The following PKP4 variants were observed in gnomAD, a reference collection of about 807,000 sequenced individuals.
PKP4 encodes plakophilin 4.
PKP4 carries 90 observed loss-of-function variants against 145.1 expected under a neutral mutation model. That is an observed-to-expected ratio of 0.62 (90% CI 0.52 to 0.74). The LOEUF (loss-of-function observed/expected upper bound fraction) is 0.74. Among genes scored for constraint, PKP4 ranks in the 30% least tolerant of loss-of-function variants. PKP4 has a pLI of 0.00. For missense variants in PKP4, 1,340 were observed against 1,482.7 expected, an observed-to-expected ratio of 0.90 and a Z score of 1.58; for synonymous variants, 563 against 577.2, an observed-to-expected ratio of 0.98 and a Z score of 0.35.
At chr2:158,583,195 C>A (rs2048476365) in intron 3 of PKP4, among the ~76,000 whole-genome samples, 1 of 152,084 alleles carries the variant, frequency 6.6e-6, no homozygotes, top group African/African-American at 2.4e-5. Context: ...TTATTCCCTG[C>A]AATATCATTG....
In PKP4 at chr2:158,484,197, G is replaced by A. The variant is rs375339396; in HGVS notation, c.-6+26979G>A. 1.5e-3 allele frequency among the ~76,000 whole-genome samples: 225 copies of A among 152,008 alleles called. 1 individual carries two copies. The highest frequency in any genetic ancestry group is 5.0e-3 in the African/African-American group (207 of 41,496). ...CGAGTAGCTGGGACTACAGGCGCCC[G>A]CCACCGCGCCCGGCTAATTTTTTGT... On this transcript the variant is annotated intron_variant, in intron 1 of 21. Coordinates refer to ENST00000389759, the MANE Select transcript of PKP4 (RefSeq NM_003628.6).
intron 7 of PKP4, among the ~76,000 whole-genome samples, chr2:158,631,235 C>T (rs557755807): frequency 1.3e-5 from 2 of 151,916 alleles, no homozygotes; most frequent in African/African-American, 2.4e-5. Flanking sequence ...CCACCGCGCC[C>T]GGCAGAGAAA....
chr2:158,669,708 T>C lies in PKP4; in HGVS notation c.2729-12T>C, dbSNP rs2057399246. ...CTTCTGGAAGTAGAATTTACTCTTT[T>C]GCCGTTGGCAGGCAAATACGCCATG... On this transcript the variant is annotated splice_polypyrimidine_tract_variant and intron_variant, in intron 16 of 21. Coordinates refer to ENST00000389759, the MANE Select transcript of PKP4 (RefSeq NM_003628.6). 2 of 1,523,184 alleles carry C rather than the reference T, an allele frequency of 1.3e-6. No homozygotes were observed. Among genetic ancestry groups the C allele is most frequent in the African/African-American group, 2.8e-5 (2 of 72,466 alleles). The allele number at this position is 1,523,184 out of a possible 1,614,324, so 94.4% of individuals were successfully genotyped here.
At chr2:158,660,743 A>G (rs934650537) in intron 12 of PKP4, 16 of 152,224 alleles carry the variant, frequency 1.1e-4, no homozygotes, top group African/African-American at 3.6e-4. Context: ...GCAAATATCT[A>G]TATTTAACTT....
chr2:158,673,197 G>T (rs762293446), intron 17 of PKP4, among the ~76,000 whole-genome samples: 1 of 152,140 alleles, frequency 6.6e-6, no homozygotes, highest in African/African-American at 2.4e-5. Flanking sequence ...ACATTAGAAC[G>T]CACATTAGTC....
intron 9 of PKP4, among the ~76,000 whole-genome samples, chr2:158,638,703 TG>T (rs2054017819): frequency 6.6e-6 from 1 of 152,204 alleles, no homozygotes; most frequent in South Asian, 2.1e-4. Flanking sequence ...TAGACTCTTC[TG>T]GGCAAAATGG....
chr2:158,586,771 G>A (rs976078198), intron 3 of PKP4, among the ~76,000 whole-genome samples: 6 of 152,158 alleles, frequency 3.9e-5, no homozygotes, highest in African/African-American at 1.4e-4. Flanking sequence ...CTTCCAGAAG[G>A]CATTTTTAAT....
chr2:158,634,244 G>A lies in PKP4; in HGVS notation c.1517G>A (p.Gly506Asp). The A allele has an allele frequency of 6.2e-7, 1 of 1,614,036 alleles. No individual in the cohort carries two copies. The highest frequency in any genetic ancestry group is 8.5e-7 in the Non-Finnish European group (1 of 1,180,002). The change falls in exon 9 of 22, where the codon GGC becomes GAC. Residue 506 changes from glycine (G) to aspartate (D), a missense_variant. By Grantham distance (94) the Gly-to-Asp change is moderately conservative. Transcript: ENST00000389759. ...CAGCATGCAGTGCCGGCTGATGATG[G>A]CACCACAAGATCCCCATCAATAGAC... ...RLQHAVPADD[G>D]TTRSPSIDSI...
intron 4 of PKP4, among the ~76,000 whole-genome samples, chr2:158,614,432 T>C (rs1378022547): frequency 1.3e-5 from 2 of 152,202 alleles, no homozygotes; most frequent in Admixed American, 6.5e-5. Context: ...AGAAACCAAC[T>C]ATGAAATGGA....
chr2:158,605,951 TATC>T (rs1377816288), intron 4 of PKP4, among the ~76,000 whole-genome samples: 1 of 152,236 alleles, frequency 6.6e-6, no homozygotes, highest in African/African-American at 2.4e-5. Flanking sequence ...GGTTCATCCT[TATC>T]ATAGCATGTA....
intron 1 of PKP4, among the ~76,000 whole-genome samples, chr2:158,530,607 C>A (rs1212083039): frequency 1.5e-5 from 2 of 137,474 alleles, no homozygotes; most frequent in African/African-American, 2.7e-5. Flanking sequence ...AATGGTCTTA[C>A]AATTATGAAA....
chr2:158,620,766 C>T (rs2052148679), intron 4 of PKP4, among the ~76,000 whole-genome samples: 1 of 152,054 alleles, frequency 6.6e-6, no homozygotes, highest in African/African-American at 2.4e-5. Flanking sequence ...GACTTACAAT[C>T]ACAACAAACA....
chr2:158,523,728 C>T (rs1326380713), intron 1 of PKP4, among the ~76,000 whole-genome samples: 1 of 124,970 alleles, frequency 8.0e-6, no homozygotes, highest in Admixed American at 8.6e-5. Flanking sequence ...AAGTTAAAAA[C>T]TTTGAAAAAA....
intron 20 of PKP4, among the ~76,000 whole-genome samples, chr2:158,678,207 C>G (rs907600604): frequency 6.6e-6 from 1 of 152,176 alleles, no homozygotes; most frequent in Non-Finnish European, 1.5e-5. Context: ...AGCTCAGAGC[C>G]CTGGAAAAGG....
rs545497175 is a variant in PKP4 at position 158,538,098 on chromosome 2, T to C, written c.132+4782T>C. 2.6e-5 allele frequency among the ~76,000 whole-genome samples: 4 copies of C among 152,280 alleles called. No individual in the cohort carries two copies. The East Asian group carries it at 7.7e-4, about 29-fold the overall frequency. The stretch of plus-strand genomic sequence containing the variant: ...ACCTTAGATTAAACTGATTGATTTG[T>C]CATTGAAATGCACAGCACACCCTTG... On this transcript the variant is annotated intron_variant, in intron 2 of 21. Coordinates refer to ENST00000389759, the MANE Select transcript of PKP4 (RefSeq NM_003628.6).
intron 3 of PKP4, among the ~76,000 whole-genome samples, chr2:158,600,098 A>G (rs1489891096): frequency 1.3e-5 from 2 of 152,232 alleles, no homozygotes; most frequent in Admixed American, 6.5e-5. Context: ...TCCTGTAAAC[A>G]AAACTGATTT....
At chr2:158,645,358 C>T (rs2054724456) in intron 11 of PKP4, among the ~76,000 whole-genome samples, 1 of 152,174 alleles carries the variant, frequency 6.6e-6, no homozygotes. Context: ...CTATGTTCAT[C>T]CTAGAAGTCA....
chr2:158,547,481 C>G (rs2045176631), intron 2 of PKP4, among the ~76,000 whole-genome samples: 1 of 152,110 alleles, frequency 6.6e-6, no homozygotes, highest in Non-Finnish European at 1.5e-5. Context: ...CAACAGAAAG[C>G]AAGTCCATGA....
chr2:158,471,310 G>A (rs1691532735), intron 1 of PKP4, among the ~76,000 whole-genome samples: 1 of 152,218 alleles, frequency 6.6e-6, no homozygotes, highest in Non-Finnish European at 1.5e-5. Flanking sequence ...CATCAGTGTA[G>A]ATGCTTAGGC....
Sources: gnomAD v4.1 joint callset for allele counts (sites outside exome capture counted in the v4.1 genomes callset) on GRCh38, gnomAD v4.1.1 for gene constraint, MANE v1.5 for transcripts, NCBI Gene and HGNC (gene_info 2026-07-23, HGNC 2026-07-21) for gene names.